CSNK1G2: variants seen among roughly 807,000 people sequenced by gnomAD.
CSNK1G2 encodes the protein casein kinase I isoform gamma-2.
In CSNK1G2, 11 loss-of-function variants were observed where a neutral mutation model predicts 48.0. The observed-to-expected ratio is 0.23, with a 90% CI of 0.14 to 0.38. The LOEUF (loss-of-function observed/expected upper bound fraction) is 0.38, where lower values mean the gene tolerates loss of function less well. Among genes scored for constraint, CSNK1G2 ranks in the 10% least tolerant of loss-of-function variants. The pLI is 1.00. For synonymous variants in CSNK1G2, 337 were observed against 254.1 expected (o/e 1.33, Z -3.10); for missense variants, 446 against 595.5 (o/e 0.75, Z 2.61).
chr19:1,941,425 ACG>A lies in CSNK1G2; in HGVS notation c.-266+15_-266+16del, dbSNP rs1233607949. The A allele has an allele frequency of 6.8e-6, 1 of 146,800 alleles. No individual in the cohort carries two copies. Among genetic ancestry groups the A allele is most frequent in the Non-Finnish European group, 1.5e-5 (1 of 66,068 alleles). The allele number at this position is 146,800 out of a possible 1,614,324, so 9.1% of individuals were successfully genotyped here. The stretch of plus-strand genomic sequence containing the variant: ...CGGCCACGGCGGAGCCAAGGTAACG[ACG>A]CGCGCGCCCGCCCCGGCCCCTTCGC... On this transcript the variant is annotated splice_region_variant and intron_variant, in intron 1 of 11. Transcript: ENST00000255641.
intron 1 of CSNK1G2, among the ~76,000 whole-genome samples, chr19:1,965,597 T>C (rs1012101112): frequency 6.6e-6 from 1 of 150,842 alleles, no homozygotes; most frequent in African/African-American, 2.4e-5. Context: ...ACCTCCCGGG[T>C]TGAAGCAATT....
At chr19:1,972,226 G>C (rs1451360541) in intron 2 of CSNK1G2, among the ~76,000 whole-genome samples, 6 of 152,236 alleles carry the variant, frequency 3.9e-5, no homozygotes, top group African/African-American at 1.4e-4. Flanking sequence ...TCTGCTCCCA[G>C]CGCAGGGACG....
At chr19:1,961,124 G>A (rs1052569280) in intron 1 of CSNK1G2, among the ~76,000 whole-genome samples, 6 of 152,234 alleles carry the variant, frequency 3.9e-5, no homozygotes, top group Admixed American at 2.6e-4. Context: ...GTTGGCAGCC[G>A]CAGTGGAAAG....
rs2015038596 is a variant in CSNK1G2, at chr19:1,957,487, G to A, written c.-265-12021G>A. Among the ~76,000 whole-genome samples the A allele has an allele frequency of 6.6e-6, 1 of 152,238 alleles. No individual in the cohort carries two copies. The highest frequency in any genetic ancestry group is 2.4e-5 in the African/African-American group (1 of 41,458). ...TGGCCGGGCCTGTGGGAGACCTTGG[G>A]TTTGCTGTTAGGAGGGACAGTGAGC... On this transcript the variant is annotated intron_variant, in intron 1 of 11. Transcript: ENST00000255641. The surrounding 1 kb of genome is among the most constrained non-coding windows in gnomAD (Gnocchi z 5.4).
chr19:1,942,325 T>C (rs1009067721), intron 1 of CSNK1G2: 1 of 152,328 alleles, frequency 6.6e-6, no homozygotes, highest in South Asian at 2.1e-4. Flanking sequence ...TGAGAGGACA[T>C]TCGGGGACTG....
Position 1,950,870 on chromosome 19 carries a change from T to C in CSNK1G2, c.-266+9452T>C, listed in dbSNP as rs201444820. Reference sequence around the variant, plus strand: ...CTGGAGACCCTCCAGGTGGGGGTTATGGGGTATCATGGCGGAGCGTGTTGG... The same window carrying C: ...CTGGAGACCCTCCAGGTGGGGGTTACGGGGTATCATGGCGGAGCGTGTTGG... On this transcript the variant is annotated intron_variant, in intron 1 of 11. Coordinates refer to ENST00000255641, the MANE Select transcript of CSNK1G2 (RefSeq NM_001319.7). 6.2e-5 allele frequency among the ~76,000 whole-genome samples: 9 copies of C among 146,046 alleles called. 1 individual carries two copies. Among genetic ancestry groups the C allele is most frequent in the East Asian group, 2.1e-4 (1 of 4,776 alleles).
At chr19:1,975,236 G>A (rs535329041) in intron 2 of CSNK1G2, 182 of 985,488 alleles carry the variant, frequency 1.8e-4, no homozygotes, top group Middle Eastern at 5.2e-4. Flanking sequence ...GCGAGCATCC[G>A]CCTGCCCGTC....
At chr19:1,946,115 CACTCCCATTCCATACCTGCAG>C (rs1419914017) in intron 1 of CSNK1G2, among the ~76,000 whole-genome samples, 3 of 152,032 alleles carry the variant, frequency 2.0e-5, no homozygotes, top group Non-Finnish European at 4.4e-5. Flanking sequence ...CCGGGGAGGT[CACTCCCATTCCATACCTGCAG>C]GGGGAGCTAG....
intron 1 of CSNK1G2, among the ~76,000 whole-genome samples, chr19:1,960,398 G>A (rs1302674099): frequency 2.0e-5 from 3 of 152,208 alleles, no homozygotes; most frequent in African/African-American, 7.2e-5. Context: ...AGCCCTCGTC[G>A]AGAAAGGCAG....
At chr19:1,974,155 G>A (rs1017976765) in intron 2 of CSNK1G2, among the ~76,000 whole-genome samples, 3 of 152,152 alleles carry the variant, frequency 2.0e-5, no homozygotes, top group African/African-American at 4.8e-5. Flanking sequence ...GCCTCCCAAA[G>A]TGCTAGGGTT....
chr19:1,980,127 C>T (rs2015931308), intron 11 of CSNK1G2, 22 bp from the exon 12 acceptor site: 2 of 1,612,688 alleles, frequency 1.2e-6, no homozygotes, highest in South Asian at 1.1e-5. Context: ...GGTCCTCCTA[C>T]CTGAGCCACT....
chr19:1,972,104 C>T (rs187891915), intron 2 of CSNK1G2, among the ~76,000 whole-genome samples: 14 of 152,314 alleles, frequency 9.2e-5, no homozygotes, highest in Admixed American at 4.6e-4. Context: ...GCGGTTTGCG[C>T]TCTCTTCAGC....
chr19:1,966,054 C>T (rs2015355554), intron 1 of CSNK1G2, among the ~76,000 whole-genome samples: 1 of 152,236 alleles, frequency 6.6e-6, no homozygotes, highest in Admixed American at 6.5e-5. Flanking sequence ...CTGCGTCAGC[C>T]TCCCAAAGTG....
At chr19:1,942,068 G>C (rs925874708) in intron 1 of CSNK1G2, among the ~76,000 whole-genome samples, 1 of 152,150 alleles carries the variant, frequency 6.6e-6, no homozygotes, top group African/African-American at 2.4e-5. Flanking sequence ...GGTGGTGGGG[G>C]GGAGGAAGGT....
chr19:1,947,660 G>A (rs1420349195), intron 1 of CSNK1G2, among the ~76,000 whole-genome samples: 1 of 152,200 alleles, frequency 6.6e-6, no homozygotes, highest in Non-Finnish European at 1.5e-5. Flanking sequence ...ATCCAGCTGG[G>A]CCCTGGCCAC....
Position 1,957,943 on chromosome 19 carries a change from C to A in CSNK1G2, c.-265-11565C>A, listed in dbSNP as rs140609309. Among the ~76,000 whole-genome samples, 494 of 152,270 alleles carry A rather than the reference C, an allele frequency of 3.2e-3. 3 individuals carry two copies. Among genetic ancestry groups the A allele is most frequent in the East Asian group, 0.024 (124 of 5,178 alleles). On this transcript the variant is annotated intron_variant, in intron 1 of 11. Coordinates refer to ENST00000255641, the MANE Select transcript of CSNK1G2 (RefSeq NM_001319.7). This position sits in a 1 kb window ranked among gnomAD's most constrained non-coding sequence, Gnocchi z 5.4. ...CTGCGGGGCACACGGCAGAGCCAGC[C>A]TCATGTCACCACGTGCTTCCCCCGT...
intron 1 of CSNK1G2, among the ~76,000 whole-genome samples, chr19:1,969,241 C>G (rs1157216126): frequency 7.0e-6 from 1 of 143,364 alleles, no homozygotes; most frequent in Non-Finnish European, 1.5e-5. Flanking sequence ...ACCCACCCAC[C>G]CACCCATCCC....
intron 1 of CSNK1G2, among the ~76,000 whole-genome samples, chr19:1,958,950 T>G (rs1015322042): frequency 8.6e-6 from 1 of 116,380 alleles, no homozygotes; most frequent in East Asian, 2.9e-4. Context: ...TGAGTGTGGG[T>G]ATGAGCTTTG....
intron 1 of CSNK1G2, among the ~76,000 whole-genome samples, chr19:1,946,699 G>A (rs2014577857): frequency 6.6e-6 from 1 of 150,920 alleles, no homozygotes; most frequent in Non-Finnish European, 1.5e-5. Flanking sequence ...TGCAAGCTCC[G>A]CCTCCCGGGT....
Sources: gnomAD v4.1 joint callset for allele counts (sites outside exome capture counted in the v4.1 genomes callset) on GRCh38, gnomAD v4.1.1 for gene constraint, Gnocchi (gnomAD v3.1) non-coding constraint, MANE v1.5 for transcripts, NCBI Gene and HGNC (gene_info 2026-07-23, HGNC 2026-07-21) for gene names.